Variants in PDE6B observed in about 807,000 individuals in gnomAD.
PDE6B encodes phosphodiesterase 6B.
In PDE6B, 106 loss-of-function variants were observed where a neutral mutation model predicts 109.0. That is an observed-to-expected ratio of 0.97 (90% CI 0.83 to 1.14). The LOEUF (loss-of-function observed/expected upper bound fraction) is 1.14, where lower values mean the gene tolerates loss of function less well. Ranked by LOEUF, PDE6B falls within the 50% of genes most tolerant of loss-of-function variation. The pLI is 0.00. For missense variants in PDE6B, 1,193 were observed against 1,155.6 expected (o/e 1.03, Z -0.47); for synonymous variants, 490 against 471.3 (o/e 1.04, Z -0.51).
chr4:645,149 T>C (rs899423968), intron 3 of PDE6B, among the ~76,000 whole-genome samples: 1 of 152,088 alleles, frequency 6.6e-6, no homozygotes, highest in Non-Finnish European at 1.5e-5. Flanking sequence ...GCATAGCATA[T>C]ATTTCTTCAT....
At chr4:653,064 C>T (rs1410337686) in intron 3 of PDE6B, 6 of 451,950 alleles carry the variant, frequency 1.3e-5, no homozygotes, top group South Asian at 9.4e-5. Context: ...AATAAAGCTA[C>T]GAACATCTCA....
At chr4:651,257 A>G (rs1229828494) in intron 3 of PDE6B, among the ~76,000 whole-genome samples, 1 of 147,188 alleles carries the variant, frequency 6.8e-6, no homozygotes, top group Non-Finnish European at 1.5e-5. Flanking sequence ...GCAGGGGCTG[A>G]GGCGGCGATG....
chr4:633,734 C>CCG lies in PDE6B; in HGVS notation c.469-942_469-941dup, dbSNP rs1734504008. On this transcript the variant is annotated intron_variant, in intron 1 of 21. Transcript: ENST00000496514. This position sits in a 1 kb window ranked among gnomAD's most constrained non-coding sequence, Gnocchi z 4.5. ...AGTCCTGACCCCAGCAGGGCTGACT[C>CCG]CGGAGCCGTCCACCTGGGTCACTGC... 6.6e-6 allele frequency among the ~76,000 whole-genome samples: 1 copy of CCG among 152,176 alleles called. No individual in the cohort carries two copies. The highest frequency in any genetic ancestry group is 2.1e-4 in the South Asian group (1 of 4,820).
chr4:659,626 G>A (rs975206108), intron 11 of PDE6B, among the ~76,000 whole-genome samples: 1 of 148,656 alleles, frequency 6.7e-6, no homozygotes, highest in African/African-American at 2.5e-5. Context: ...GTATGAATGT[G>A]CACATGTGTA....
chr4:664,462 T>TA (rs1234748316), intron 17 of PDE6B, among the ~76,000 whole-genome samples: 1 of 152,138 alleles, frequency 6.6e-6, no homozygotes, highest in African/African-American at 2.4e-5. Flanking sequence ...GGCAGTAACT[T>TA]ACTTCATTTT....
At position 626,965 on chromosome 4, in the gene PDE6B, C is replaced by A. The variant is rs1048819654; in HGVS notation, c.468+871C>A. Reference sequence around the variant, plus strand: ...AAGCCCCTTCTCCCTGTCCTGCACCCGTCCCAGCTTCCTCTCCCCTTTTCT... The same window carrying A: ...AAGCCCCTTCTCCCTGTCCTGCACCAGTCCCAGCTTCCTCTCCCCTTTTCT... On this transcript the variant is annotated intron_variant, in intron 1 of 21. Coordinates refer to ENST00000496514, the MANE Select transcript of PDE6B (RefSeq NM_000283.4). This position sits in a 1 kb window ranked among gnomAD's most constrained non-coding sequence, Gnocchi z 4.6. Among the ~76,000 whole-genome samples the A allele has an allele frequency of 1.3e-5, 2 of 152,138 alleles. No homozygotes were observed. Among genetic ancestry groups the A allele is most frequent in the African/African-American group, 4.8e-5 (2 of 41,428 alleles).
At chr4:656,200 C>A (rs1349441376) in intron 7 of PDE6B, 45 bp from the exon 8 acceptor site, 2 of 1,370,592 alleles carry the variant, frequency 1.5e-6, no homozygotes, top group Admixed American at 1.7e-5. Context: ...TCATAACAGA[C>A]CTTCCGCTGT....
At chr4:658,893 C>A in intron 10 of PDE6B, 59 bp from the exon 11 acceptor site, 1 of 1,260,218 alleles carries the variant, frequency 7.9e-7, no homozygotes, top group East Asian at 2.3e-5. Flanking sequence ...GGACGCACCG[C>A]CGTCACCTTG....
chr4:666,421 C>T lies in PDE6B; in HGVS notation c.2269-110C>T. ...CAGTTTCTGTCAGGCAGGCTCGTCC[C>T]AGGCTGTGTCTCCATGAGCACATCT... On this transcript the variant is annotated intron_variant, in intron 19 of 21. Coordinates refer to ENST00000496514, the MANE Select transcript of PDE6B (RefSeq NM_000283.4). This position sits in a 1 kb window ranked among gnomAD's most constrained non-coding sequence, Gnocchi z 5.6. 1.3e-6 allele frequency: 1 copy of T among 772,922 alleles called. No homozygotes were observed. The highest frequency in any genetic ancestry group is 3.1e-4 in the Middle Eastern group (1 of 3,196). 47.9% of individuals were successfully genotyped at this position (772,922 alleles called of 1,614,324 possible).
chr4:637,310 C>A (rs1376145947), intron 3 of PDE6B, among the ~76,000 whole-genome samples: 1 of 151,876 alleles, frequency 6.6e-6, no homozygotes, highest in Non-Finnish European at 1.5e-5. Context: ...CAACCTCTGC[C>A]CCCCCGGTTC....
chr4:639,233 C>A (rs555657734), intron 3 of PDE6B, among the ~76,000 whole-genome samples: 1 of 151,930 alleles, frequency 6.6e-6, no homozygotes, highest in Non-Finnish European at 1.5e-5. Flanking sequence ...CAGCCTCAAA[C>A]TCCTGGGCTC....
chr4:649,064 T>C (rs1735355794), intron 3 of PDE6B, among the ~76,000 whole-genome samples: 1 of 152,112 alleles, frequency 6.6e-6, no homozygotes, highest in African/African-American at 2.4e-5. Flanking sequence ...GGCCCCACCA[T>C]GATGAGCCAG....
At position 656,314 on chromosome 4, in the gene PDE6B, G is replaced by A. The variant is rs1254291205; in HGVS notation, c.1107+22G>A. 3.5e-6 allele frequency: 5 copies of A among 1,411,210 alleles called. No homozygotes were observed. In the Admixed American group the frequency reaches 8.4e-5, roughly 24 times the overall value. 87.4% of individuals were successfully genotyped at this position (1,411,210 alleles called of 1,614,324 possible). On this transcript the variant is annotated intron_variant, in intron 8 of 21. Transcript: ENST00000496514. ...TCAGGTATCTGTCTGTGCCTTGGTA[G>A]AAATTATACTTACTTACAAAAGAGG...
At chr4:654,333 T>C (rs1160862488) in intron 5 of PDE6B, 179 bp downstream of exon 5, 1 of 709,302 alleles carries the variant, frequency 1.4e-6, no homozygotes, top group African/African-American at 1.7e-5. Flanking sequence ...ACTCCAGGGA[T>C]GGGGTGTCCA....
At chr4:653,506 G>C in intron 3 of PDE6B, 1 of 478,318 alleles carries the variant, frequency 2.1e-6, no homozygotes, top group Non-Finnish European at 3.6e-6. Context: ...AGCCCTGCTC[G>C]CCGCAGGTGG....
intron 3 of PDE6B, among the ~76,000 whole-genome samples, chr4:645,084 AAGTACTCTTTGTC>A (rs1477211366): frequency 6.6e-6 from 1 of 151,996 alleles, no homozygotes; most frequent in Non-Finnish European, 1.5e-5. Flanking sequence ...CCTTGTTCTA[AAGTACTCTTTGTC>A]TAAATTAATA....
At chr4:644,186 G>A (rs1301473466) in intron 3 of PDE6B, among the ~76,000 whole-genome samples, 1 of 151,776 alleles carries the variant, frequency 6.6e-6, no homozygotes, top group African/African-American at 2.4e-5. Context: ...CAAAGTGCTG[G>A]GATTACAGGC....
chr4:648,721 G>A lies in PDE6B; in HGVS notation c.712-5131G>A, dbSNP rs1431527476. 6.6e-6 allele frequency among the ~76,000 whole-genome samples: 1 copy of A among 152,254 alleles called. No homozygotes were observed. Among genetic ancestry groups the A allele is most frequent in the African/African-American group, 2.4e-5 (1 of 41,470 alleles). ...TTCTCTCTGACCTGTCACGGCAGCT[G>A]CCTGTTCGGCTTAGTGGAGCAATTC... On this transcript the variant is annotated intron_variant, in intron 3 of 21. Transcript: ENST00000496514. This position sits in a 1 kb window ranked among gnomAD's most constrained non-coding sequence, Gnocchi z 4.5.
At chr4:659,465 G>C (rs1246149876) in intron 11 of PDE6B, among the ~76,000 whole-genome samples, 1 of 152,198 alleles carries the variant, frequency 6.6e-6, no homozygotes, top group African/African-American at 2.4e-5. Context: ...GTGCATGTGT[G>C]TGCACATGTG....
Sources: allele counts gnomAD v4.1 joint callset (sites outside exome capture counted in the v4.1 genomes callset), GRCh38; gene constraint gnomAD v4.1.1; non-coding constraint Gnocchi (gnomAD v3.1); transcripts MANE v1.5; gene names NCBI Gene and HGNC (gene_info 2026-07-23, HGNC 2026-07-21).